The following TRAPPC10 variants were observed in gnomAD, a reference collection of about 807,000 sequenced individuals.
The protein encoded by TRAPPC10 is trafficking protein particle complex subunit 10, also known as TRAPP 130 kDa subunit.
In TRAPPC10, 23 loss-of-function variants were observed where a neutral mutation model predicts 125.5. The observed-to-expected ratio is 0.18, with a 90% CI of 0.13 to 0.26. The LOEUF (loss-of-function observed/expected upper bound fraction) is 0.26, where lower values mean the gene tolerates loss of function less well. TRAPPC10 is among the 10% of genes least tolerant of loss of function. The probability of loss-of-function intolerance (pLI) is 1.00; values close to 1 mark genes in which losing one functional copy is unlikely to be tolerated. For synonymous variants in TRAPPC10, 509 were observed against 518.0 expected (o/e 0.98, Z 0.24); for missense variants, 1,123 against 1,308.4 (o/e 0.86, Z 2.19).
At chr21:44,089,168 C>T (rs572926888) in intron 17 of TRAPPC10, 14 of 308,092 alleles carry the variant, frequency 4.5e-5, no homozygotes, top group South Asian at 3.6e-4. Flanking sequence ...GTGTTATCCT[C>T]TCTTCCCTGG....
At chr21:44,046,406 C>T (rs2034809128) in intron 3 of TRAPPC10, 1 of 278,894 alleles carries the variant, frequency 3.6e-6, no homozygotes. Context: ...TGTGCAGTGA[C>T]ACCACCACCA....
intron 17 of TRAPPC10, chr21:44,089,295 G>A (rs977027519): frequency 2.9e-6 from 1 of 347,066 alleles, no homozygotes; most frequent in Non-Finnish European, 5.8e-6. Context: ...CTTGAGACTT[G>A]CTTCCTTCCT....
intron 3 of TRAPPC10, among the ~76,000 whole-genome samples, chr21:44,042,009 G>A (rs1213537390): frequency 6.6e-6 from 1 of 152,110 alleles, no homozygotes; most frequent in African/African-American, 2.4e-5. Flanking sequence ...ACGGCGCCCA[G>A]CCCCCATCAT....
At chr21:44,047,297 C>T (rs1402075888) in intron 3 of TRAPPC10, among the ~76,000 whole-genome samples, 2 of 152,122 alleles carry the variant, frequency 1.3e-5, no homozygotes, top group Non-Finnish European at 2.9e-5. Context: ...ATTCTTGTGC[C>T]TCATCTTCAT....
At chr21:44,038,617 T>C (rs1175012813) in intron 3 of TRAPPC10, among the ~76,000 whole-genome samples, 2 of 152,022 alleles carry the variant, frequency 1.3e-5, no homozygotes, top group Admixed American at 1.3e-4. Context: ...TTGACACACT[T>C]CTTCTGTCGT....
intron 6 of TRAPPC10, chr21:44,062,889 G>C: frequency 1.0e-6 from 1 of 985,370 alleles, no homozygotes; most frequent in Non-Finnish European, 1.2e-6. Flanking sequence ...TTTCAATAAT[G>C]ATTGATGGAC....
rs949124973 is a variant in TRAPPC10, at chr21:44,059,791, C to T, written c.790+577C>T. ...CCACGTTATATAGCTGTTTCTCTGTCGCTCCTTTTTGTTACTCACAGCCCA... is the reference window on the plus strand; with the variant it reads ...CCACGTTATATAGCTGTTTCTCTGTTGCTCCTTTTTGTTACTCACAGCCCA... On this transcript the variant is annotated intron_variant, in intron 6 of 22. Coordinates refer to ENST00000291574, the MANE Select transcript of TRAPPC10 (RefSeq NM_003274.5). This position sits in a 1 kb window ranked among gnomAD's most constrained non-coding sequence, Gnocchi z 4.4. 5.6e-5 allele frequency: 21 copies of T among 371,794 alleles called. No individual in the cohort carries two copies. Among genetic ancestry groups the T allele is most frequent in the Non-Finnish European group, 1.9e-5 (4 of 208,660 alleles). 23.0% of individuals were successfully genotyped at this position (371,794 alleles called of 1,614,324 possible).
At chr21:44,048,500 G>A (rs574099029) in intron 3 of TRAPPC10, among the ~76,000 whole-genome samples, 7 of 152,204 alleles carry the variant, frequency 4.6e-5, no homozygotes, top group Middle Eastern at 3.4e-3. Context: ...TTGTTTGTTT[G>A]TTGTTGTTTT....
At chr21:44,069,325 A>G (rs1215344045) in intron 7 of TRAPPC10, among the ~76,000 whole-genome samples, 2 of 152,246 alleles carry the variant, frequency 1.3e-5, no homozygotes, top group African/African-American at 2.4e-5. Context: ...ACTCACATAC[A>G]TCAATGCAGA....
At chr21:44,094,270 A>G (rs2038778888) in intron 20 of TRAPPC10, 37 bp downstream of exon 20, 3 of 1,553,470 alleles carry the variant, frequency 1.9e-6, no homozygotes, top group Non-Finnish European at 2.7e-6. Context: ...TGGGGGTGAA[A>G]AAATGAAAGA....
chr21:44,034,829 A>G (rs969076919), intron 2 of TRAPPC10, among the ~76,000 whole-genome samples: 11 of 152,106 alleles, frequency 7.2e-5, no homozygotes, highest in African/African-American at 1.4e-4. Context: ...GGAGGTAGAG[A>G]TGAGAGTGAT....
At chr21:44,034,433 G>A (rs1488280567) in intron 2 of TRAPPC10, among the ~76,000 whole-genome samples, 1 of 151,326 alleles carries the variant, frequency 6.6e-6, no homozygotes, top group East Asian at 1.9e-4. Flanking sequence ...GAAGGCAAGG[G>A]AGAAGGGCCA....
intron 5 of TRAPPC10, among the ~76,000 whole-genome samples, chr21:44,056,426 C>G (rs56384053): frequency 0.07 from 10,602 of 152,138 alleles, 467 homozygotes; most frequent in Middle Eastern, 0.099. Flanking sequence ...CGGTGGCCCC[C>G]CAAGATGTCT....
At chr21:44,035,671 G>A (rs1220300842) in intron 2 of TRAPPC10, among the ~76,000 whole-genome samples, 1 of 152,078 alleles carries the variant, frequency 6.6e-6, no homozygotes, top group African/African-American at 2.4e-5. Flanking sequence ...CAACTACCCG[G>A]GAGGCTGAGG....
chr21:44,091,537 T>G (rs2038579551), intron 18 of TRAPPC10, among the ~76,000 whole-genome samples: 1 of 152,176 alleles, frequency 6.6e-6, no homozygotes, highest in African/African-American at 2.4e-5. Flanking sequence ...CCTCCCAGGT[T>G]CAAGCAATGC....
intron 7 of TRAPPC10, among the ~76,000 whole-genome samples, chr21:44,065,205 C>T (rs1286403972): frequency 6.6e-6 from 1 of 152,152 alleles, no homozygotes; most frequent in Non-Finnish European, 1.5e-5. Flanking sequence ...TTTGTTATTA[C>T]CTTGTGGCTG....
intron 3 of TRAPPC10, among the ~76,000 whole-genome samples, chr21:44,045,409 G>T (rs115516267): frequency 6.6e-6 from 1 of 152,048 alleles, no homozygotes; most frequent in South Asian, 2.1e-4. Flanking sequence ...ATTTTCACTC[G>T]TTAGGGAATT....
At chr21:44,027,210 A>G (rs1176351943) in intron 1 of TRAPPC10, among the ~76,000 whole-genome samples, 1 of 152,144 alleles carries the variant, frequency 6.6e-6, no homozygotes, top group African/African-American at 2.4e-5. Context: ...TAAATCTCCA[A>G]ATAGAAGTAT....
chr21:44,094,997 ATAAT>A (rs915409402), intron 20 of TRAPPC10, among the ~76,000 whole-genome samples: 1 of 149,866 alleles, frequency 6.7e-6, no homozygotes, highest in Non-Finnish European at 1.5e-5. Context: ...AAATTATTAA[ATAAT>A]TTAATTAAAT....
Sources: allele counts gnomAD v4.1 joint callset (sites outside exome capture counted in the v4.1 genomes callset), GRCh38; gene constraint gnomAD v4.1.1; non-coding constraint Gnocchi (gnomAD v3.1); transcripts MANE v1.5; gene names NCBI Gene and HGNC (gene_info 2026-07-23, HGNC 2026-07-21).